The following ADGRG3 variants were observed in gnomAD, a reference collection of about 807,000 sequenced individuals.
ADGRG3 encodes G protein-coupled receptor 97.
A neutral mutation model predicts 54.3 loss-of-function variants in ADGRG3; 39 were observed. The observed-to-expected ratio is 0.72, with a 90% CI of 0.56 to 0.94. The LOEUF is 0.94. Ranked by LOEUF, ADGRG3 falls within the 40% of genes least tolerant of loss-of-function variation. The pLI is 0.00. For synonymous variants in ADGRG3, 312 were observed against 290.0 expected (o/e 1.08, Z -0.77); for missense variants, 654 against 694.6 (o/e 0.94, Z 0.66).
chr16:57,683,804 G>C (rs2048419777), intron 8 of ADGRG3, 128 bp from the exon 9 acceptor site: 1 of 663,426 alleles, frequency 1.5e-6, no homozygotes, highest in East Asian at 3.0e-5. Flanking sequence ...ATGGAAGCTG[G>C]ATGAGCAGGC....
chr16:57,677,304 C>T (rs369279501), intron 3 of ADGRG3, among the ~76,000 whole-genome samples: 2 of 152,130 alleles, frequency 1.3e-5, no homozygotes, highest in East Asian at 1.9e-4. Context: ...GCTTTGCAGC[C>T]GGGCACAGTG....
intron 2 of ADGRG3, among the ~76,000 whole-genome samples, chr16:57,675,036 C>CAGT (rs1260436976): frequency 1.4e-5 from 2 of 145,804 alleles, no homozygotes; most frequent in Non-Finnish European, 3.0e-5. Flanking sequence ...GCAGCAGCAG[C>CAGT]ATCTTGTACG....
chr16:57,688,736 C>T lies in ADGRG3; in HGVS notation c.*275C>T. ...GAGTGACAGTCACCTCCATGCCCTGCCCTCATTGCAAAGCCCTCACTCACC... is the reference window on the plus strand; with the variant it reads ...GAGTGACAGTCACCTCCATGCCCTGTCCTCATTGCAAAGCCCTCACTCACC... On this transcript the variant is annotated 3_prime_UTR_variant, in exon 12 of 12. Transcript: ENST00000333493. 1 of 382,072 alleles carries T rather than the reference C, an allele frequency of 2.6e-6. No individual in the cohort carries two copies. The highest frequency in any genetic ancestry group is 4.9e-6 in the Non-Finnish European group (1 of 204,586). 23.7% of individuals were successfully genotyped at this position (382,072 alleles called of 1,614,324 possible).
At chr16:57,682,801 C>T (rs2048398366) in intron 8 of ADGRG3, among the ~76,000 whole-genome samples, 1 of 151,802 alleles carries the variant, frequency 6.6e-6, no homozygotes, top group Non-Finnish European at 1.5e-5. Context: ...GGAGCCCCTG[C>T]CCTGCTCTGT....
At chr16:57,681,926 G>A (rs528379621) in intron 8 of ADGRG3, among the ~76,000 whole-genome samples, 5 of 152,286 alleles carry the variant, frequency 3.3e-5, no homozygotes, top group South Asian at 4.1e-4. Flanking sequence ...AGCCTATGCA[G>A]TTTTATCCCG....
chr16:57,669,908 G>A (rs554182459), intron 1 of ADGRG3, among the ~76,000 whole-genome samples: 1 of 152,320 alleles, frequency 6.6e-6, no homozygotes, highest in East Asian at 1.9e-4. Context: ...GGTGCGGGCA[G>A]GGCACGGGGA....
At chr16:57,674,982 T>G (rs1372211027) in intron 2 of ADGRG3, among the ~76,000 whole-genome samples, 2 of 102,656 alleles carry the variant, frequency 1.9e-5, no homozygotes. Context: ...GGCGACAGAG[T>G]GAGACTCCAT....
At chr16:57,678,917 A>G in intron 4 of ADGRG3, 1 of 539,326 alleles carries the variant, frequency 1.9e-6, no homozygotes, top group Non-Finnish European at 3.3e-6. Context: ...AAGAGGGCAG[A>G]GGAGCTCTGG....
intron 4 of ADGRG3, 82 bp downstream of exon 4, chr16:57,678,398 C>T (rs1431637735): frequency 6.4e-6 from 9 of 1,414,148 alleles, no homozygotes; most frequent in Non-Finnish European, 9.0e-6. Flanking sequence ...CTGGAGCCTG[C>T]CGAGGGATCC....
At position 57,680,357 on chromosome 16, in the gene ADGRG3, C is replaced by A. The variant is rs199956134; in HGVS notation, c.760C>A (p.Leu254Met). Reference protein sequence around the residue: ...CCCDHLTFFALLLRPTLDQST... With the variant: ...CCCDHLTFFAMLLRPTLDQST... The stretch of plus-strand genomic sequence containing the variant: ...CTGTGACCACCTGACCTTTTTCGCC[C>A]TGCTCCTGGTAACAGCCCCCTCCAC... The change falls in exon 7 of 12, where the codon CTG becomes ATG. Residue 254 changes from leucine (L) to methionine (M), a missense_variant. Coordinates refer to ENST00000333493, the MANE Select transcript of ADGRG3 (RefSeq NM_170776.5). The A allele has an allele frequency of 1.1e-4, 179 of 1,612,646 alleles. No individual in the cohort carries two copies. The highest frequency in any genetic ancestry group is 1.5e-4 in the Non-Finnish European group (173 of 1,179,210).
At chr16:57,667,858 G>T (rs558496925), upstream of ADGRG3, among the ~76,000 whole-genome samples, 27 of 152,342 alleles carry the variant, frequency 1.8e-4, no homozygotes, top group African/African-American at 6.0e-4. Context: ...CTTGTTGCAG[G>T]TCTCATCAAA....
chr16:57,676,993 G>T (rs1203984375), intron 3 of ADGRG3, among the ~76,000 whole-genome samples: 4 of 152,240 alleles, frequency 2.6e-5, no homozygotes, highest in African/African-American at 7.2e-5. Context: ...AGGTGAGTTG[G>T]TTAGCACTGA....
rs751484052 is a variant in ADGRG3, at chr16:57,688,417, T to C, written c.1606T>C (p.Ser536Pro). Residue 536 changes from serine (S) to proline (P), a missense_variant, in exon 12 of 12, where the codon TCT becomes CCT. Coordinates refer to ENST00000333493, the MANE Select transcript of ADGRG3 (RefSeq NM_170776.5). The part of the protein sequence containing the change: ...LPSQSTTVSS[S>P]TARLDQAHSA... ...AAGTCAGAGCACCACAGTCTCCTCCTCTACTGCAAGATTGGACCAGGCCCA... is the reference window on the plus strand; with the variant it reads ...AAGTCAGAGCACCACAGTCTCCTCCCCTACTGCAAGATTGGACCAGGCCCA... 10 of 1,613,348 alleles carry C rather than the reference T, an allele frequency of 6.2e-6. No homozygotes were observed. The highest frequency in any genetic ancestry group is 6.8e-6 in the Non-Finnish European group (8 of 1,179,280).
chr16:57,686,730 C>G (rs2048480074), intron 11 of ADGRG3: 1 of 152,240 alleles, frequency 6.6e-6, no homozygotes, highest in African/African-American at 2.4e-5. Context: ...GTTGGGTGTC[C>G]ATCGTCCATC....
In ADGRG3 at chr16:57,688,377, C is replaced by A. The variant is rs547156147; in HGVS notation, c.1566C>A (p.Thr522=). The A allele has an allele frequency of 1.9e-6, 3 of 1,613,160 alleles. No homozygotes were observed. In the South Asian group the frequency reaches 3.3e-5, roughly 18 times the overall value. The change falls in exon 12 of 12, where the codon ACC becomes ACA. Residue 522 remains threonine (T), a synonymous_variant. Coordinates refer to ENST00000333493, the MANE Select transcript of ADGRG3 (RefSeq NM_170776.5). ...GTGTCTTCATCTGCTGCTGGTTCAC[C>A]ATCCTTTACCTCCCAAGTCAGAGCA... ...LQGVFICCWF[T]ILYLPSQSTT... is the part of the protein sequence containing the mutation.
At position 57,680,444 on chromosome 16, in the gene ADGRG3, T is replaced by G. The variant is rs1387707600; in HGVS notation, c.769-61T>G. 16 of 1,567,520 alleles carry G rather than the reference T, an allele frequency of 1.0e-5. No homozygotes were observed. In the Admixed American group the frequency reaches 2.7e-4, roughly 26 times the overall value. Reference sequence around the variant, plus strand: ...CCCTGGGGAGGGGGCTGCCTGGTGGTCTTTGGGTATATGGGCCTGGCCTCC... The same window carrying G: ...CCCTGGGGAGGGGGCTGCCTGGTGGGCTTTGGGTATATGGGCCTGGCCTCC... On this transcript the variant is annotated intron_variant, in intron 7 of 11. Transcript: ENST00000333493.
intron 1 of ADGRG3, among the ~76,000 whole-genome samples, chr16:57,671,800 T>G (rs1339842962): frequency 6.6e-6 from 1 of 152,052 alleles, no homozygotes; most frequent in Non-Finnish European, 1.5e-5. Flanking sequence ...AAAAAAGTGT[T>G]GCAATGCCCA....
At position 57,688,706 on chromosome 16, in the gene ADGRG3, G is replaced by T. The variant is rs557394090; in HGVS notation, c.*245G>T. 13 of 472,442 alleles carry T rather than the reference G, an allele frequency of 2.8e-5. No individual in the cohort carries two copies. Among genetic ancestry groups the T allele is most frequent in the Non-Finnish European group, 4.6e-5 (12 of 259,074 alleles). The allele number at this position is 472,442 out of a possible 1,614,324, so 29.3% of individuals were successfully genotyped here. On this transcript the variant is annotated 3_prime_UTR_variant, in exon 12 of 12. Coordinates refer to ENST00000333493, the MANE Select transcript of ADGRG3 (RefSeq NM_170776.5). ...CCTATAGTCCTGAGACCCCCTGCCA[G>T]CAAAGAGTGACAGTCACCTCCATGC...
chr16:57,668,328 G>T lies in ADGRG3; in HGVS notation c.-20G>T, dbSNP rs539931060. On this transcript the variant is annotated 5_prime_UTR_variant, in exon 1 of 12. Transcript: ENST00000333493. The stretch of plus-strand genomic sequence containing the variant: ...GCCAGACAGCCACAGAGCTCCTGGC[G>T]TGGGCAAGGCTGGCCAAGGATGGCG... 2 of 1,558,640 alleles carry T rather than the reference G, an allele frequency of 1.3e-6. No homozygotes were observed. The highest frequency in any genetic ancestry group is 3.8e-5 in the Admixed American group (2 of 52,160).
Sources: allele counts gnomAD v4.1 joint callset (sites outside exome capture counted in the v4.1 genomes callset), GRCh38; gene constraint gnomAD v4.1.1; transcripts MANE v1.5; gene names NCBI Gene and HGNC (gene_info 2026-07-23, HGNC 2026-07-21).